NXPE2: variants seen among roughly 807,000 people sequenced by gnomAD.
The protein encoded by NXPE2 is NXPE family member 2.
NXPE2 carries 34 observed loss-of-function variants against 34.4 expected under a neutral mutation model. The observed-to-expected ratio is 0.99, with a 90% CI of 0.75 to 1.31. NXPE2 has a LOEUF of 1.31. Among genes scored for constraint, NXPE2 ranks in the 40% most tolerant of loss-of-function variants. NXPE2 has a pLI of 0.00. For missense variants in NXPE2, 649 were observed against 672.5 expected (o/e 0.97, Z 0.39); for synonymous variants, 235 against 231.3 (o/e 1.02, Z -0.15).
chr11:114,773,076 CA>C, the NXPE2 span, among the ~76,000 whole-genome samples: 1 of 152,148 alleles, frequency 6.6e-6, no homozygotes, highest in Admixed American at 6.5e-5. Flanking sequence ...GAGATGATCT[CA>C]GTGCACTAAC....
chr11:114,580,362 G>C, the NXPE2 span: 1 of 1,602,246 alleles, frequency 6.2e-7, no homozygotes, highest in Admixed American at 1.7e-5. Flanking sequence ...AATGAGATAG[G>C]ATCTTCCAAA....
chr11:114,792,100 G>C, the NXPE2 span, among the ~76,000 whole-genome samples: 2 of 152,118 alleles, frequency 1.3e-5, no homozygotes, highest in Non-Finnish European at 2.9e-5. Context: ...GTGCTGAGCA[G>C]CTCCATATGC....
the NXPE2 span, among the ~76,000 whole-genome samples, chr11:114,813,573 G>A: frequency 0.039 from 5,968 of 152,280 alleles, 129 homozygotes; most frequent in East Asian, 0.092. Flanking sequence ...GGGCATGTCT[G>A]GGGGAGTTCA....
the NXPE2 span, among the ~76,000 whole-genome samples, chr11:114,632,579 T>C: frequency 1.8e-5 from 2 of 111,958 alleles, no homozygotes; most frequent in Non-Finnish European, 3.3e-5. Flanking sequence ...ATATATCATA[T>C]ATTTATTGTA....
chr11:114,572,881 C>T, the NXPE2 span, among the ~76,000 whole-genome samples: 2 of 152,256 alleles, frequency 1.3e-5, no homozygotes, highest in Admixed American at 1.3e-4. Flanking sequence ...AAATTCATCA[C>T]AGAAAGATCA....
the NXPE2 span, among the ~76,000 whole-genome samples, chr11:114,613,249 G>A: frequency 4.6e-5 from 7 of 151,916 alleles, no homozygotes; most frequent in East Asian, 1.4e-3. Context: ...GTTACCCGGT[G>A]GATAATAAGC....
chr11:114,727,347 G>A, the NXPE2 span, among the ~76,000 whole-genome samples: 2 of 151,844 alleles, frequency 1.3e-5, no homozygotes, highest in Non-Finnish European at 2.9e-5. Context: ...AACTCTCTGG[G>A]GTTCATTTAT....
chr11:114,602,448 A>G, the NXPE2 span, among the ~76,000 whole-genome samples: 5 of 134,258 alleles, frequency 3.7e-5, no homozygotes, highest in African/African-American at 8.0e-5. Context: ...TATATAATAT[A>G]TATTATAAAT....
At chr11:114,773,586 T>C in the NXPE2 span, among the ~76,000 whole-genome samples, 4 of 152,230 alleles carry the variant, frequency 2.6e-5, no homozygotes, top group South Asian at 2.1e-4. Flanking sequence ...GGTATGATGG[T>C]TAATTTTATG....
At chr11:114,464,941 G>C in the NXPE2 span, among the ~76,000 whole-genome samples, 1 of 151,670 alleles carries the variant, frequency 6.6e-6, no homozygotes, top group Non-Finnish European at 1.5e-5. Flanking sequence ...CAATAAACAG[G>C]AAAAAAATGT....
chr11:114,812,693 C>T, the NXPE2 span, among the ~76,000 whole-genome samples: 1 of 152,142 alleles, frequency 6.6e-6, no homozygotes, highest in South Asian at 2.1e-4. Context: ...GAGATGGTGG[C>T]CCTTCTGCAG....
the NXPE2 span, among the ~76,000 whole-genome samples, chr11:114,657,661 T>G: frequency 2.0e-5 from 3 of 152,196 alleles, no homozygotes. Context: ...TTCTTTATAA[T>G]TTTTATATTT....
chr11:114,774,198 C>T, the NXPE2 span, among the ~76,000 whole-genome samples: 1 of 152,190 alleles, frequency 6.6e-6, no homozygotes, highest in African/African-American at 2.4e-5. Context: ...GCTGTTTGCA[C>T]GCTGTGGCAG....
Position 114,698,288 on chromosome 11 carries a change from G to C in NXPE2, c.376G>C (p.Gly126Arg). The C allele has an allele frequency of 6.2e-7, 1 of 1,613,768 alleles. No homozygotes were observed. The highest frequency in any genetic ancestry group is 1.7e-5 in the Admixed American group (1 of 60,008). The change falls in exon 3 of 6, where the codon GGG becomes CGG. Residue 126 changes from glycine to arginine, a missense_variant. Gly to Arg is a moderately radical substitution (Grantham distance 125). Transcript: ENST00000389586. ...ILNPQDTYCRGDQLDILLEVR... is the reference protein window; with the variant it reads ...ILNPQDTYCRRDQLDILLEVR... ...CAACCCTCAAGATACGTACTGCAGG[G>C]GGGATCAGCTGGACATCCTTCTGGA...
the NXPE2 span, among the ~76,000 whole-genome samples, chr11:114,555,040 CT>C: frequency 2.5e-3 from 351 of 143,100 alleles, no homozygotes; most frequent in Middle Eastern, 7.3e-3. Flanking sequence ...CTTGGGAGTC[CT>C]TTTTTTTTTT....
At chr11:114,667,214 G>A in the NXPE2 span, among the ~76,000 whole-genome samples, 1 of 152,072 alleles carries the variant, frequency 6.6e-6, no homozygotes, top group African/African-American at 2.4e-5. Context: ...AGAAATGAAG[G>A]TATCTTTCTG....
At chr11:114,721,950 G>C in the NXPE2 span, among the ~76,000 whole-genome samples, 5 of 152,154 alleles carry the variant, frequency 3.3e-5, no homozygotes, top group Non-Finnish European at 5.9e-5. Context: ...AGTAGAAAAA[G>C]AGTAAAACAA....
At chr11:114,528,403 T>C in the NXPE2 span, among the ~76,000 whole-genome samples, 1 of 152,184 alleles carries the variant, frequency 6.6e-6, no homozygotes, top group Non-Finnish European at 1.5e-5. Context: ...GAATCCAGCC[T>C]TTTTGGGTGG....
chr11:114,554,679 A>G, the NXPE2 span, among the ~76,000 whole-genome samples: 1 of 152,226 alleles, frequency 6.6e-6, no homozygotes, highest in Non-Finnish European at 1.5e-5. Context: ...AAGATTCTTT[A>G]TTAACAGTAC....
Sources: allele counts gnomAD v4.1 joint callset (sites outside exome capture counted in the v4.1 genomes callset), GRCh38; gene constraint gnomAD v4.1.1; transcripts MANE v1.5; gene names NCBI Gene and HGNC (gene_info 2026-07-23, HGNC 2026-07-21).